The following DOCK8 variants were observed in gnomAD, a reference collection of about 807,000 sequenced individuals.
DOCK8 encodes the protein dedicator of cytokinesis protein 8.
In DOCK8, 141 loss-of-function variants were observed where a neutral mutation model predicts 245.6. The observed-to-expected ratio is 0.57, with a 90% CI of 0.50 to 0.66. The LOEUF is 0.66. Among genes scored for constraint, DOCK8 ranks in the 30% least tolerant of loss-of-function variants. DOCK8 has a pLI of 0.00. For synonymous variants in DOCK8, 1,168 were observed against 970.2 expected (o/e 1.20, Z -3.79); for missense variants, 2,965 against 2,603.4 (o/e 1.14, Z -3.02).
chr9:442,759 C>CCTG (rs2057132985), intron 42 of DOCK8, among the ~76,000 whole-genome samples: 1 of 152,046 alleles, frequency 6.6e-6, no homozygotes, highest in African/African-American at 2.4e-5. Context: ...GGACTGGGGT[C>CCTG]CTTTGAACTG....
chr9:389,772 T>C (rs995369889), intron 23 of DOCK8, among the ~76,000 whole-genome samples: 5 of 151,920 alleles, frequency 3.3e-5, no homozygotes, highest in Non-Finnish European at 7.4e-5. Context: ...TCCCAGCACT[T>C]TGGGAGGCCA....
intron 39 of DOCK8, among the ~76,000 whole-genome samples, chr9:438,024 C>G (rs2068735): frequency 0.09 from 13,773 of 152,276 alleles, 814 homozygotes; most frequent in African/African-American, 0.17. Flanking sequence ...TCTGTTGTCA[C>G]AGAAACATCA....
intron 1 of DOCK8, among the ~76,000 whole-genome samples, chr9:243,340 G>T (rs192321528): frequency 6.6e-6 from 1 of 152,084 alleles, no homozygotes; most frequent in Non-Finnish European, 1.5e-5. Context: ...ATTGTGAATC[G>T]CACTGCAAAC....
chr9:347,947 C>T (rs1008770284), intron 14 of DOCK8, among the ~76,000 whole-genome samples: 5 of 152,200 alleles, frequency 3.3e-5, no homozygotes, highest in Admixed American at 2.0e-4. Context: ...CGTTACAAAA[C>T]ATATGAAGTC....
At chr9:412,513 C>G (rs1157046744) in intron 28 of DOCK8, among the ~76,000 whole-genome samples, 1 of 151,488 alleles carries the variant, frequency 6.6e-6, no homozygotes, top group African/African-American at 2.4e-5. Flanking sequence ...TATAGAAAAC[C>G]ATAAGGAATC....
At chr9:235,401 AG>A (rs1217481764) in intron 1 of DOCK8, among the ~76,000 whole-genome samples, 1 of 152,172 alleles carries the variant, frequency 6.6e-6, no homozygotes, top group Non-Finnish European at 1.5e-5. Context: ...GTGTGCTGGG[AG>A]AACCACTCCT....
chr9:214,733 G>A, upstream of DOCK8: 2 of 1,517,554 alleles, frequency 1.3e-6, no homozygotes, highest in Non-Finnish European at 8.8e-7. Flanking sequence ...CTGGGCCCAC[G>A]CCCTCCTCGC....
At chr9:237,927 G>T (rs1278309808) in intron 1 of DOCK8, among the ~76,000 whole-genome samples, 12 of 152,116 alleles carry the variant, frequency 7.9e-5, no homozygotes, top group Admixed American at 7.9e-4. Flanking sequence ...AGATGTTCCT[G>T]GTCTGGCAGA....
At chr9:432,637 AG>A (rs2056759729) in intron 37 of DOCK8, among the ~76,000 whole-genome samples, 2 of 152,264 alleles carry the variant, frequency 1.3e-5, no homozygotes, top group Non-Finnish European at 2.9e-5. Context: ...GGAAGGTTAG[AG>A]GAAGAGAGGT....
rs1289558203 is a variant in DOCK8 at position 326,397 on chromosome 9, C to A, written c.894+660C>A. 2.0e-5 allele frequency among the ~76,000 whole-genome samples: 3 copies of A among 152,118 alleles called. No homozygotes were observed. The South Asian group carries it at 6.2e-4, about 32-fold the overall frequency. On this transcript the variant is annotated intron_variant, in intron 8 of 47. Transcript: ENST00000432829. ...GGTTAACTGCTAAAACAAGCAGAAC[C>A]CAATCTCAGTGGTTTAAAGCAGTAG...
At chr9:400,907 A>ATC (rs2054999309) in intron 26 of DOCK8, among the ~76,000 whole-genome samples, 1 of 117,978 alleles carries the variant, frequency 8.5e-6, no homozygotes. Context: ...CCCCACTACC[A>ATC]ACAGCTCCTT....
intron 20 of DOCK8, among the ~76,000 whole-genome samples, chr9:377,514 A>G (rs1316581751): frequency 6.6e-6 from 1 of 152,210 alleles, no homozygotes; most frequent in Non-Finnish European, 1.5e-5. Context: ...TACCTTGAAG[A>G]TATTTTTGTT....
intron 1 of DOCK8, among the ~76,000 whole-genome samples, chr9:232,835 T>A (rs2047149876): frequency 6.6e-6 from 1 of 152,212 alleles, no homozygotes; most frequent in South Asian, 2.1e-4. Context: ...TGTTGATCTT[T>A]TCAAAAAACC....
rs201130984 is a variant in DOCK8, at chr9:287,588, TG to T, written c.332+954del. Among the ~76,000 whole-genome samples the T allele has an allele frequency of 9.5e-3, 1,452 of 152,298 alleles. 8 individuals carry two copies. Among genetic ancestry groups the T allele is most frequent in the Non-Finnish European group, 0.016 (1,069 of 68,018 alleles). On this transcript the variant is annotated intron_variant, in intron 3 of 47. Transcript: ENST00000432829. ...TTAAGGAGGTTGGATGATAATGGGC[TG>T]GTATTATTGTGAACCGTTGCTCTCT...
intron 3 of DOCK8, among the ~76,000 whole-genome samples, chr9:288,178 A>G (rs2048900328): frequency 6.6e-6 from 1 of 152,114 alleles, no homozygotes; most frequent in Admixed American, 6.5e-5. Flanking sequence ...TGTCTTTAAG[A>G]CAGCCTCTAC....
chr9:324,878 G>A (rs2050688806), intron 7 of DOCK8, among the ~76,000 whole-genome samples: 1 of 152,128 alleles, frequency 6.6e-6, no homozygotes, highest in African/African-American at 2.4e-5. Flanking sequence ...TTACATGGAT[G>A]AATTGTATAG....
At chr9:365,875 G>T (rs1317776784) in intron 14 of DOCK8, 3 of 324,568 alleles carry the variant, frequency 9.2e-6, no homozygotes, top group South Asian at 7.6e-5. Flanking sequence ...CACCCCAACT[G>T]TCAACTGTCT....
At chr9:273,026 C>T (rs1311626741) in intron 2 of DOCK8, 1 of 985,176 alleles carries the variant, frequency 1.0e-6, no homozygotes, top group Non-Finnish European at 1.2e-6. Flanking sequence ...TTGTAACCTT[C>T]CGCTCAGTTT....
At chr9:408,301 C>T (rs917098299) in intron 28 of DOCK8, among the ~76,000 whole-genome samples, 5 of 152,202 alleles carry the variant, frequency 3.3e-5, no homozygotes, top group African/African-American at 9.6e-5. Context: ...TGTACCCAGG[C>T]TGACACCGCT....
Sources: gnomAD v4.1 joint callset for allele counts (sites outside exome capture counted in the v4.1 genomes callset) on GRCh38, gnomAD v4.1.1 for gene constraint, MANE v1.5 for transcripts, NCBI Gene and HGNC (gene_info 2026-07-23, HGNC 2026-07-21) for gene names.